Variants in ZNF652 observed in about 807,000 individuals in gnomAD.
ZNF652 encodes zinc finger protein 652.
In ZNF652, 16 loss-of-function variants were observed where a neutral mutation model predicts 45.2. The ratio of observed to expected loss-of-function variants is 0.35; its 90% CI spans 0.24 to 0.54. The LOEUF is 0.54. Ranked by LOEUF, ZNF652 falls within the 20% of genes least tolerant of loss-of-function variation. The pLI is 0.91. For missense variants in ZNF652, 614 were observed against 765.6 expected (o/e 0.80, Z 2.34); for synonymous variants, 250 against 260.6 (o/e 0.96, Z 0.39).
rs1271944866 is a variant in ZNF652 at position 49,289,774 on chromosome 17, A to G, written c.*8639T>C. The G allele has an allele frequency of 6.6e-6, 1 of 152,324 alleles. No individual in the cohort carries two copies. The highest frequency in any genetic ancestry group is 1.5e-5 in the Non-Finnish European group (1 of 68,108). The allele number at this position is 152,324 out of a possible 1,614,324, so 9.4% of individuals were successfully genotyped here. On this transcript the variant is annotated 3_prime_UTR_variant, in exon 6 of 6. Coordinates refer to ENST00000430262, the MANE Select transcript of ZNF652 (RefSeq NM_001145365.3). ...TTGACCTTCAATTGCGTCTCCGCAG[A>G]GAGGTAGGAGAGGGACACTGCCCCA...
intron 1 of ZNF652, among the ~76,000 whole-genome samples, chr17:49,325,400 T>C (rs1364028563): frequency 6.6e-6 from 1 of 152,222 alleles, no homozygotes; most frequent in Non-Finnish European, 1.5e-5. Context: ...GTATGGTTTC[T>C]AGCACCCCAA....
At chr17:49,312,347 G>A (rs1223324497) in intron 3 of ZNF652, among the ~76,000 whole-genome samples, 2 of 151,736 alleles carry the variant, frequency 1.3e-5, no homozygotes, top group Non-Finnish European at 2.9e-5. Context: ...TGTATTTTTA[G>A]TAGAGACAGG....
At chr17:49,325,765 T>C (rs991947771) in intron 1 of ZNF652, among the ~76,000 whole-genome samples, 1 of 152,168 alleles carries the variant, frequency 6.6e-6, no homozygotes, top group Non-Finnish European at 1.5e-5. Context: ...GAGGCTGTAG[T>C]GAGCCAAGAC....
At chr17:49,355,665 C>T (rs1482712759) in intron 1 of ZNF652, among the ~76,000 whole-genome samples, 2 of 151,870 alleles carry the variant, frequency 1.3e-5, no homozygotes, top group African/African-American at 2.4e-5. Flanking sequence ...TTTGGGAGGC[C>T]GAGGCGGGCA....
intron 1 of ZNF652, among the ~76,000 whole-genome samples, chr17:49,353,743 A>G (rs1037352171): frequency 2.0e-5 from 3 of 152,162 alleles, no homozygotes; most frequent in African/African-American, 7.2e-5. Flanking sequence ...ATGAATGTGA[A>G]TATGTGTGGG....
chr17:49,323,964 C>A (rs996233741), intron 1 of ZNF652, among the ~76,000 whole-genome samples: 2 of 152,194 alleles, frequency 1.3e-5, no homozygotes, highest in Non-Finnish European at 2.9e-5. Context: ...AAGGTGGCTT[C>A]ACCTTCGAGT....
At chr17:49,338,644 T>C (rs2070110737) in intron 1 of ZNF652, among the ~76,000 whole-genome samples, 1 of 152,200 alleles carries the variant, frequency 6.6e-6, no homozygotes, top group African/African-American at 2.4e-5. Context: ...GACAATTAAG[T>C]AGAGTTGTCC....
At chr17:49,318,635 T>C (rs2960162) in intron 1 of ZNF652, among the ~76,000 whole-genome samples, 3 of 152,164 alleles carry the variant, frequency 2.0e-5, no homozygotes, top group Non-Finnish European at 2.9e-5. Flanking sequence ...TATGCTGATA[T>C]GGCAAAATAT....
chr17:49,344,034 T>A (rs1187088112), intron 1 of ZNF652, among the ~76,000 whole-genome samples: 1 of 151,766 alleles, frequency 6.6e-6, no homozygotes, highest in Non-Finnish European at 1.5e-5. Flanking sequence ...CCGTCTCTAC[T>A]AAAAAATACA....
rs1056077080 is a variant in ZNF652 at position 49,290,252 on chromosome 17, C to A, written c.*8161G>T. ...CTCTACAGGGGGTAATATTTACTGT[C>A]GTCTTTTCCCTTCCCAGGTTGATTA... On this transcript the variant is annotated 3_prime_UTR_variant, in exon 6 of 6. Coordinates refer to ENST00000430262, the MANE Select transcript of ZNF652 (RefSeq NM_001145365.3). The A allele has an allele frequency of 6.6e-6, 1 of 152,136 alleles. No homozygotes were observed. The highest frequency in any genetic ancestry group is 6.6e-5 in the Admixed American group (1 of 15,264). The allele number at this position is 152,136 out of a possible 1,614,324, so 9.4% of individuals were successfully genotyped here.
Position 49,302,381 on chromosome 17 carries a change from T to C in ZNF652, c.1310-3457A>G, listed in dbSNP as rs1320764398. 6.0e-5 allele frequency among the ~76,000 whole-genome samples: 9 copies of C among 149,782 alleles called. No homozygotes were observed. The East Asian group carries it at 1.7e-3, about 27-fold the overall frequency. On this transcript the variant is annotated intron_variant, in intron 5 of 5. Coordinates refer to ENST00000430262, the MANE Select transcript of ZNF652 (RefSeq NM_001145365.3). ...TCGGCTCACTGCAACCTCTGCCTCC[T>C]GGGTTCAAGTGATTCTCCCACCTCA...
chr17:49,337,948 C>A (rs2070103329), intron 1 of ZNF652, among the ~76,000 whole-genome samples: 1 of 152,080 alleles, frequency 6.6e-6, no homozygotes, highest in Non-Finnish European at 1.5e-5. Context: ...GGTTGAGAAG[C>A]AAGACCTATG....
intron 1 of ZNF652, among the ~76,000 whole-genome samples, chr17:49,332,961 C>A (rs1388436230): frequency 6.6e-6 from 1 of 152,024 alleles, no homozygotes; most frequent in Non-Finnish European, 1.5e-5. Flanking sequence ...TCATATGAAC[C>A]CAGAAGGTTG....
In ZNF652 at chr17:49,334,206, T is replaced by C. The variant is rs373505894; in HGVS notation, c.-258-16223A>G. ...TATAAAAAGGAATGAAGAAGTCAGGTGTAGTGGCTCATGCCTGTAATCCCA... is the reference window on the plus strand; with the variant it reads ...TATAAAAAGGAATGAAGAAGTCAGGCGTAGTGGCTCATGCCTGTAATCCCA... On this transcript the variant is annotated intron_variant, in intron 1 of 5. Transcript: ENST00000430262. 8.5e-5 allele frequency among the ~76,000 whole-genome samples: 13 copies of C among 152,194 alleles called. No homozygotes were observed. The South Asian group carries it at 1.2e-3, about 15-fold the overall frequency.
intron 1 of ZNF652, among the ~76,000 whole-genome samples, chr17:49,327,403 C>T (rs575028225): frequency 7.2e-5 from 11 of 151,726 alleles, no homozygotes; most frequent in South Asian, 2.1e-4. Flanking sequence ...CCTCGTGAGC[C>T]GCTGTCTCAG....
At chr17:49,330,606 C>T (rs530500752) in intron 1 of ZNF652, among the ~76,000 whole-genome samples, 1 of 152,086 alleles carries the variant, frequency 6.6e-6, no homozygotes, top group South Asian at 2.1e-4. Flanking sequence ...GCCTCGGCCT[C>T]CCAAAGCGTT....
chr17:49,315,516 AAG>A (rs1239492536), intron 2 of ZNF652, among the ~76,000 whole-genome samples: 2,453 of 152,058 alleles, frequency 0.016, 57 homozygotes, highest in African/African-American at 0.057. Context: ...CACACACAAA[AAG>A]TATTTATTAA....
chr17:49,304,760 A>G (rs1013225797), intron 5 of ZNF652, among the ~76,000 whole-genome samples: 3 of 152,086 alleles, frequency 2.0e-5, no homozygotes, highest in Non-Finnish European at 2.9e-5. Context: ...AGAAGATAGA[A>G]AAGAGCAAAA....
In ZNF652 at chr17:49,316,850, T is replaced by G; in HGVS notation, c.876A>C (p.Gln292His). 1 of 1,613,406 alleles carries G rather than the reference T, an allele frequency of 6.2e-7. No individual in the cohort carries two copies. The highest frequency in any genetic ancestry group is 2.2e-5 in the East Asian group (1 of 44,882). ...CCTGAATGTTTTTTTCACAGTCTGT[T>G]TGCTGGTGAAGGGACAGCTCACTTT... Reference protein sequence around the residue: ...VLESELSLHQQTDCEKNIQCV... With the variant: ...VLESELSLHQHTDCEKNIQCV... The change falls in exon 2 of 6, where the codon CAA becomes CAC. Residue 292 changes from glutamine to histidine, a missense_variant. Gln to His is a conservative substitution (Grantham distance 24). This residue lies in a region of ZNF652 where 262 missense variants were observed against 306.3 expected (regional missense o/e 0.86). Transcript: ENST00000430262.
Sources: gnomAD v4.1 joint callset for allele counts (sites outside exome capture counted in the v4.1 genomes callset) on GRCh38, gnomAD v4.1.1 for gene constraint, gnomAD v4.1.1 regional missense constraint, MANE v1.5 for transcripts, NCBI Gene and HGNC (gene_info 2026-07-23, HGNC 2026-07-21) for gene names.